Variants in SLC9A2 observed in about 807,000 individuals in gnomAD.
The protein encoded by SLC9A2 is sodium/hydrogen exchanger 2.
A neutral mutation model predicts 71.7 loss-of-function variants in SLC9A2; 42 were observed. The observed-to-expected ratio is 0.59, with a 90% confidence interval of 0.46 to 0.76. SLC9A2 has a LOEUF of 0.76. SLC9A2 is among the 30% of genes least tolerant of loss of function. The pLI, the probability that SLC9A2 is intolerant of heterozygous loss-of-function variation, is 0.00. For missense variants in SLC9A2, 829 were observed against 1,017.4 expected, an observed-to-expected ratio of 0.81 and a Z score of 2.52; for synonymous variants, 396 against 392.5, an observed-to-expected ratio of 1.01 and a Z score of -0.10.
At chr2:102,621,839 C>A (rs762697579) in intron 1 of SLC9A2, among the ~76,000 whole-genome samples, 5 of 152,114 alleles carry the variant, frequency 3.3e-5, no homozygotes, top group Non-Finnish European at 7.3e-5. Flanking sequence ...TCCAGGATGA[C>A]CAGGATCTGG....
intron 7 of SLC9A2, among the ~76,000 whole-genome samples, chr2:102,698,129 G>A (rs1677802285): frequency 6.6e-6 from 1 of 152,176 alleles, no homozygotes; most frequent in Non-Finnish European, 1.5e-5. Flanking sequence ...AATAAAAGAA[G>A]TTTTAAAAGA....
At position 102,657,792 on chromosome 2, in the gene SLC9A2, C is replaced by T. The variant is rs1040781618; in HGVS notation, c.518C>T (p.Ala173Val). 6.2e-7 allele frequency: 1 copy of T among 1,614,212 alleles called. No individual in the cohort carries two copies. The highest frequency in any genetic ancestry group is 1.3e-5 in the African/African-American group (1 of 75,050). The change falls in exon 2 of 12, where the codon GCT (alanine) becomes GTT (valine). Residue 173 changes from alanine to valine, a missense_variant. By Grantham distance (64) the Ala-to-Val change is moderately conservative. This residue lies in a region of SLC9A2 where 500 missense variants were observed against 726.3 expected (regional missense o/e 0.69). Coordinates refer to ENST00000233969, the MANE Select transcript of SLC9A2 (RefSeq NM_003048.6). ...FENIGTIFWY[A>V]VVGTLWNSIG... ...AACATTGGCACGATTTTCTGGTATG[C>T]TGTGGTAGGGACACTTTGGAATTCC... is the stretch of plus-strand genomic sequence containing the variant.
chr2:102,678,923 T>C (rs1214099508), intron 3 of SLC9A2, among the ~76,000 whole-genome samples: 1 of 152,196 alleles, frequency 6.6e-6, no homozygotes. Context: ...ACTAGCTCAT[T>C]TGTAGTGTGT....
chr2:102,633,486 A>G (rs1676413098), intron 1 of SLC9A2, among the ~76,000 whole-genome samples: 1 of 152,168 alleles, frequency 6.6e-6, no homozygotes, highest in Non-Finnish European at 1.5e-5. Context: ...TCAGATTGCC[A>G]TTGTAAAATC....
At chr2:102,636,831 G>A (rs2104504992) in intron 1 of SLC9A2, among the ~76,000 whole-genome samples, 1 of 152,264 alleles carries the variant, frequency 6.6e-6, no homozygotes. Context: ...ACTAAGCTGT[G>A]CAAAGGATCT....
chr2:102,632,035 T>TATATAC (rs1676368357), intron 1 of SLC9A2, among the ~76,000 whole-genome samples: 1 of 80,278 alleles, frequency 1.2e-5, no homozygotes, highest in Non-Finnish European at 2.3e-5. Context: ...TATATATATA[T>TATATAC]ATACATACAC....
At chr2:102,622,591 G>C (rs1056737203) in intron 1 of SLC9A2, among the ~76,000 whole-genome samples, 3 of 152,186 alleles carry the variant, frequency 2.0e-5, no homozygotes, top group Non-Finnish European at 2.9e-5. Flanking sequence ...GATTAACTTG[G>C]TGGTGGGTGG....
chr2:102,699,225 C>T (rs1214481490), intron 7 of SLC9A2, among the ~76,000 whole-genome samples: 3 of 152,032 alleles, frequency 2.0e-5, no homozygotes, highest in African/African-American at 7.2e-5. Context: ...AAAAGTGAGC[C>T]CTGAAGGTAT....
At chr2:102,695,220 A>G in intron 7 of SLC9A2, 107 bp downstream of exon 7, 1 of 767,386 alleles carries the variant, frequency 1.3e-6, no homozygotes, top group East Asian at 2.5e-5. Context: ...CCTGTGTTGT[A>G]CCATAGTATG....
intron 5 of SLC9A2, chr2:102,689,575 A>T (rs1558721097): frequency 6.6e-6 from 1 of 152,262 alleles, no homozygotes; most frequent in African/African-American, 2.4e-5. Flanking sequence ...TGTACTGTTT[A>T]AAAAGGACAC....
chr2:102,637,023 A>G (rs976429280), intron 1 of SLC9A2, among the ~76,000 whole-genome samples: 1 of 152,196 alleles, frequency 6.6e-6, no homozygotes, highest in Non-Finnish European at 1.5e-5. Flanking sequence ...GGAAGAAAAG[A>G]AAAAGAAAAA....
intron 2 of SLC9A2, among the ~76,000 whole-genome samples, chr2:102,663,545 T>C (rs1204219271): frequency 6.6e-6 from 1 of 152,204 alleles, no homozygotes; most frequent in African/African-American, 2.4e-5. Context: ...GCACACTGCT[T>C]ACCAGGCAGT....
chr2:102,650,640 G>A (rs1332375885), intron 1 of SLC9A2, among the ~76,000 whole-genome samples: 10 of 152,106 alleles, frequency 6.6e-5, no homozygotes, highest in African/African-American at 2.2e-4. Context: ...TGCCTTTTCT[G>A]ATAACACTGG....
At chr2:102,697,698 G>C (rs1213395948) in intron 7 of SLC9A2, among the ~76,000 whole-genome samples, 2 of 147,330 alleles carry the variant, frequency 1.4e-5, no homozygotes, top group Non-Finnish European at 3.0e-5. Flanking sequence ...GGGGGATGTG[G>C]TGCTGACACA....
rs965122910 is a variant in SLC9A2, at chr2:102,709,197, C to T, written c.*708C>T. On this transcript the variant is annotated 3_prime_UTR_variant, in exon 12 of 12. Coordinates refer to ENST00000233969, the MANE Select transcript of SLC9A2 (RefSeq NM_003048.6). ...TCTACTGTGTGTTTGGGGGTGACAT[C>T]TAAATTCCATTTCTTCTTCTTGTTT... 4 of 152,430 alleles carry T rather than the reference C, an allele frequency of 2.6e-5. No individual in the cohort carries two copies. Among genetic ancestry groups the T allele is most frequent in the African/African-American group, 9.7e-5 (4 of 41,450 alleles). 9.4% of individuals were successfully genotyped at this position (152,430 alleles called of 1,614,324 possible).
chr2:102,665,770 T>C, intron 3 of SLC9A2, among the ~76,000 whole-genome samples: 2 of 29,704 alleles, frequency 6.7e-5, no homozygotes, highest in African/African-American at 1.2e-4. Flanking sequence ...CAAGACTCTG[T>C]CTTAAAAAAA....
At chr2:102,700,796 G>A (rs1046202663) in intron 7 of SLC9A2, among the ~76,000 whole-genome samples, 2 of 151,900 alleles carry the variant, frequency 1.3e-5, no homozygotes, top group African/African-American at 4.8e-5. Flanking sequence ...GTAGCAGTAT[G>A]TGTCATATAT....
At chr2:102,626,047 T>C (rs1393174380) in intron 1 of SLC9A2, among the ~76,000 whole-genome samples, 1 of 152,220 alleles carries the variant, frequency 6.6e-6, no homozygotes, top group Non-Finnish European at 1.5e-5. Flanking sequence ...ATTGTGGTTT[T>C]GATTTGCATT....
At chr2:102,687,302 G>A (rs2104542802) in intron 5 of SLC9A2, among the ~76,000 whole-genome samples, 1 of 152,166 alleles carries the variant, frequency 6.6e-6, no homozygotes, top group African/African-American at 2.4e-5. Flanking sequence ...ACGTGCACAA[G>A]CGTGCATGCA....
Sources: allele counts gnomAD v4.1 joint callset (sites outside exome capture counted in the v4.1 genomes callset), GRCh38; gene constraint gnomAD v4.1.1; regional missense constraint gnomAD v4.1.1; transcripts MANE v1.5; gene names NCBI Gene and HGNC (gene_info 2026-07-23, HGNC 2026-07-21).